The following CADM2 variants were observed in gnomAD, a reference collection of about 807,000 sequenced individuals.
CADM2 encodes the protein immunoglobulin superfamily member 4D.
A neutral mutation model predicts 49.8 loss-of-function variants in CADM2; 12 were observed. That is an observed-to-expected ratio of 0.24 (90% CI 0.15 to 0.39). The LOEUF (loss-of-function observed/expected upper bound fraction) is 0.39, where lower values mean the gene tolerates loss of function less well. Ranked by LOEUF, CADM2 falls within the 10% of genes least tolerant of loss-of-function variation. The pLI, the probability that CADM2 is intolerant of heterozygous loss-of-function variation, is 1.00. For synonymous variants in CADM2, 214 were observed against 175.4 expected, an observed-to-expected ratio of 1.22 and a Z score of -1.74; for missense variants, 378 against 492.3, an observed-to-expected ratio of 0.77 and a Z score of 2.20.
intron 5 of CADM2, among the ~76,000 whole-genome samples, chr3:85,908,671 C>A (rs1282457437): frequency 6.6e-6 from 1 of 151,944 alleles, no homozygotes; most frequent in Non-Finnish European, 1.5e-5. Flanking sequence ...TTTGTTTCAT[C>A]TATCCCTCTA....
intron 2 of CADM2, among the ~76,000 whole-genome samples, chr3:85,793,154 C>T (rs2071434197): frequency 6.6e-6 from 1 of 152,116 alleles, no homozygotes; most frequent in African/African-American, 2.4e-5. Context: ...ATGGCAACTG[C>T]TCAGTCTGCT....
At chr3:85,303,574 C>T (rs2044149570) in intron 1 of CADM2, among the ~76,000 whole-genome samples, 1 of 151,818 alleles carries the variant, frequency 6.6e-6, no homozygotes, top group Admixed American at 6.6e-5. Context: ...GAATAAGAAA[C>T]CAATGTAAAA....
chr3:85,331,926 T>G (rs1476561533), intron 1 of CADM2, among the ~76,000 whole-genome samples: 1 of 152,126 alleles, frequency 6.6e-6, no homozygotes, highest in Non-Finnish European at 1.5e-5. Flanking sequence ...AGTACTACAG[T>G]ATCATTTGCA....
intron 1 of CADM2, among the ~76,000 whole-genome samples, chr3:85,535,848 T>A (rs2061411485): frequency 6.6e-6 from 1 of 152,108 alleles, no homozygotes; most frequent in Admixed American, 6.6e-5. Context: ...AAGGAAGCCT[T>A]GAGCAGAGCA....
chr3:85,149,383 A>G (rs1302144968), intron 1 of CADM2, among the ~76,000 whole-genome samples: 1 of 152,118 alleles, frequency 6.6e-6, no homozygotes, highest in Admixed American at 6.5e-5. Context: ...ACCCAGTCTT[A>G]GGTATGCTTT....
intron 1 of CADM2, among the ~76,000 whole-genome samples, chr3:85,553,867 G>A (rs1268419024): frequency 1.3e-5 from 2 of 152,104 alleles, no homozygotes; most frequent in Non-Finnish European, 2.9e-5. Context: ...TCTTGAACAG[G>A]TGCATCCTGT....
intron 5 of CADM2, among the ~76,000 whole-genome samples, chr3:85,908,824 A>G (rs1717168360): frequency 6.6e-6 from 1 of 151,766 alleles, no homozygotes; most frequent in Non-Finnish European, 1.5e-5. Context: ...TCCCGGGTTC[A>G]AGCGATTCTT....
rs529391407 is a variant in CADM2 at position 85,201,873 on chromosome 3, G to C, written c.61+242205G>C. Among the ~76,000 whole-genome samples, 9 of 152,022 alleles carry C rather than the reference G, an allele frequency of 5.9e-5. No individual in the cohort carries two copies. The East Asian group carries it at 1.6e-3, about 26-fold the overall frequency. ...CGAGGAGGGCGGATCACAAGGTCAAGAGATCAAGACCATCCTGGCCAACAT... is the reference window on the plus strand; with the variant it reads ...CGAGGAGGGCGGATCACAAGGTCAACAGATCAAGACCATCCTGGCCAACAT... On this transcript the variant is annotated intron_variant, in intron 1 of 9. Transcript: ENST00000383699.
chr3:85,904,688 G>A (rs943223547), intron 5 of CADM2, among the ~76,000 whole-genome samples: 5 of 152,176 alleles, frequency 3.3e-5, no homozygotes, highest in African/African-American at 1.2e-4. Context: ...AAAGTCTGCA[G>A]AGCTACTTAT....
At position 86,071,057 on chromosome 3, in the gene CADM2, T is replaced by A. The variant is rs1176764939; in HGVS notation, c.*4274T>A. ...AAATACAACTAATTCAAGGACAAGTTAAGTTTTTCTTATTAATGTGACACA... is the reference window on the plus strand; with the variant it reads ...AAATACAACTAATTCAAGGACAAGTAAAGTTTTTCTTATTAATGTGACACA... On this transcript the variant is annotated 3_prime_UTR_variant, in exon 10 of 10. Coordinates refer to ENST00000383699, the MANE Select transcript of CADM2 (RefSeq NM_001167675.2). 1 of 151,938 alleles carries A rather than the reference T, an allele frequency of 6.6e-6. No individual in the cohort carries two copies. Among genetic ancestry groups the A allele is most frequent in the African/African-American group, 2.4e-5 (1 of 41,436 alleles). 9.4% of individuals were successfully genotyped at this position (151,938 alleles called of 1,614,324 possible).
At chr3:86,037,028 T>A (rs1382881259) in intron 8 of CADM2, among the ~76,000 whole-genome samples, 2 of 152,184 alleles carry the variant, frequency 1.3e-5, no homozygotes, top group Non-Finnish European at 2.9e-5. Flanking sequence ...GTCTCTTTGC[T>A]TTTATCTTCT....
At chr3:85,152,643 C>T (rs1012634531) in intron 1 of CADM2, among the ~76,000 whole-genome samples, 1 of 152,104 alleles carries the variant, frequency 6.6e-6, no homozygotes, top group Non-Finnish European at 1.5e-5. Flanking sequence ...TTCTGTCACA[C>T]ATTCTTTCTA....
chr3:85,301,546 G>C (rs572364765), intron 1 of CADM2, among the ~76,000 whole-genome samples: 1 of 152,024 alleles, frequency 6.6e-6, no homozygotes, highest in Non-Finnish European at 1.5e-5. Flanking sequence ...TCATCAGATA[G>C]TGTCAGCAAT....
intron 8 of CADM2, among the ~76,000 whole-genome samples, chr3:85,984,907 C>T (rs536396777): frequency 4.6e-5 from 7 of 151,914 alleles, no homozygotes; most frequent in South Asian, 4.2e-4. Context: ...TAATGAGATT[C>T]GTTGCAACAG....
chr3:85,883,408 C>T lies in CADM2; in HGVS notation c.356C>T (p.Pro119Leu), dbSNP rs750537481. Residue 119 changes from proline to leucine, a missense_variant, in exon 4 of 10, where the codon CCT becomes CTT. Coordinates refer to ENST00000383699, the MANE Select transcript of CADM2 (RefSeq NM_001167675.2). ...TACACCTGTTCTTTATTTACAATGC[C>T]TGTCAAAACTTCCAAGGCATATCTC... ...GQYTCSLFTM[P>L]VKTSKAYLTV... 6.2e-7 allele frequency: 1 copy of T among 1,613,674 alleles called. No homozygotes were observed.
intron 2 of CADM2, among the ~76,000 whole-genome samples, chr3:85,733,887 C>T (rs968991074): frequency 1.3e-5 from 2 of 152,084 alleles, no homozygotes; most frequent in Non-Finnish European, 2.9e-5. Context: ...TTTGCTTATT[C>T]TACAGCTTCT....
At chr3:85,620,273 T>A (rs999769658) in intron 1 of CADM2, among the ~76,000 whole-genome samples, 3 of 152,230 alleles carry the variant, frequency 2.0e-5, no homozygotes, top group African/African-American at 7.2e-5. Context: ...AACAGCTTCA[T>A]TATTTGGCTT....
chr3:85,375,716 G>T lies in CADM2; in HGVS notation c.62-350806G>T, dbSNP rs538582761. 9.2e-5 allele frequency among the ~76,000 whole-genome samples: 14 copies of T among 152,200 alleles called. No homozygotes were observed. In the South Asian group the frequency reaches 2.7e-3, roughly 29 times the overall value. ...GATTTCTTGTGTATTAAAAATTAAT[G>T]TACAAAGTGTTCTCTTCCATTGATT... On this transcript the variant is annotated intron_variant, in intron 1 of 9. Transcript: ENST00000383699.
At chr3:85,417,899 G>T (rs1278886129) in intron 1 of CADM2, among the ~76,000 whole-genome samples, 1 of 152,064 alleles carries the variant, frequency 6.6e-6, no homozygotes, top group Non-Finnish European at 1.5e-5. Context: ...GTCTATGATG[G>T]ATCTGAGATG....
Sources: allele counts gnomAD v4.1 joint callset (sites outside exome capture counted in the v4.1 genomes callset), GRCh38; gene constraint gnomAD v4.1.1; transcripts MANE v1.5; gene names NCBI Gene and HGNC (gene_info 2026-07-23, HGNC 2026-07-21).